Variants in ZBTB16 observed in about 807,000 individuals in gnomAD.
ZBTB16 encodes the protein zinc finger and BTB domain containing 16, also known as zinc finger and BTB domain-containing protein 16.
A neutral mutation model predicts 56.8 loss-of-function variants in ZBTB16; 8 were observed. The ratio of observed to expected loss-of-function variants is 0.14; its 90% confidence interval spans 0.08 to 0.25. The LOEUF (loss-of-function observed/expected upper bound fraction) is 0.25, where lower values mean the gene tolerates loss of function less well. ZBTB16 is among the 10% of genes least tolerant of loss of function. The probability of loss-of-function intolerance (pLI) is 1.00; values close to 1 mark genes in which losing one functional copy is unlikely to be tolerated. For synonymous variants in ZBTB16, 363 were observed against 368.5 expected (o/e 0.98, Z 0.17); for missense variants, 625 against 903.0 (o/e 0.69, Z 3.95).
chr11:114,235,272 A>AC (rs1405779324), intron 4 of ZBTB16, among the ~76,000 whole-genome samples: 1 of 152,212 alleles, frequency 6.6e-6, no homozygotes, highest in Non-Finnish European at 1.5e-5. Flanking sequence ...ACATGCACAC[A>AC]CAGCAGTCCC....
At chr11:114,092,407 A>T (rs1411529890) in intron 2 of ZBTB16, among the ~76,000 whole-genome samples, 4 of 152,176 alleles carry the variant, frequency 2.6e-5, no homozygotes, top group African/African-American at 9.7e-5. Flanking sequence ...GGGCGGGGGC[A>T]CACTGCCTCG....
rs1179951603 is a variant in ZBTB16, at chr11:114,167,237, T to TTG, written c.1366+10804_1366+10805insGT. ...TGTGGTTTTTTTTTTTTTTGGTTTT[T>TTG]TTTTTTTTTTTTTTTTGACAAGCTT... On this transcript the variant is annotated intron_variant, in intron 3 of 6. Coordinates refer to ENST00000335953, the MANE Select transcript of ZBTB16 (RefSeq NM_006006.6). 9.5e-4 allele frequency among the ~76,000 whole-genome samples: 126 copies of TTG among 133,074 alleles called. 7 individuals carry two copies. The highest frequency in any genetic ancestry group is 1.6e-3 in the Non-Finnish European group (98 of 62,548). The allele number at this position is 133,074 out of a possible 152,430, so 87.3% of individuals were successfully genotyped here.
intron 4 of ZBTB16, among the ~76,000 whole-genome samples, chr11:114,196,363 T>C (rs35182019): frequency 6.4e-5 from 9 of 139,680 alleles, no homozygotes; most frequent in African/African-American, 2.5e-4. Context: ...AATAGAACCT[T>C]CCACCTCATC....
intron 2 of ZBTB16, among the ~76,000 whole-genome samples, chr11:114,108,635 G>A (rs1940887188): frequency 6.6e-6 from 1 of 152,120 alleles, no homozygotes; most frequent in Admixed American, 6.5e-5. Context: ...GGCTAGATGG[G>A]GGTGGCTGCC....
intron 5 of ZBTB16, among the ~76,000 whole-genome samples, chr11:114,246,089 A>T (rs1343116671): frequency 1.3e-5 from 2 of 152,186 alleles, no homozygotes; most frequent in Admixed American, 1.3e-4. Flanking sequence ...CTGGAGATTT[A>T]AGAGTGGGAT....
chr11:114,062,815 A>G (rs759914514), intron 1 of ZBTB16, among the ~76,000 whole-genome samples: 1 of 152,218 alleles, frequency 6.6e-6, no homozygotes, highest in African/African-American at 2.4e-5. Flanking sequence ...GGAAGGGGCT[A>G]AAGTCTTGCT....
In ZBTB16 at chr11:114,202,972, T is replaced by C. The variant is rs142863455; in HGVS notation, c.1453+15934T>C. On this transcript the variant is annotated intron_variant, in intron 4 of 6. Transcript: ENST00000335953. ...AAAAGTAACTTCCAACCCAAGAGAA[T>C]TGAAAATGTGTCCACATAAAAACTT... is the stretch of plus-strand genomic sequence containing the variant. Among the ~76,000 whole-genome samples the C allele has an allele frequency of 2.4e-4, 36 of 152,320 alleles. 1 individual carries two copies. Among genetic ancestry groups the C allele is most frequent in the African/African-American group, 7.5e-4 (31 of 41,550 alleles).
intron 2 of ZBTB16, among the ~76,000 whole-genome samples, chr11:114,089,922 C>T (rs1940122845): frequency 6.6e-6 from 1 of 152,196 alleles, no homozygotes; most frequent in Admixed American, 6.5e-5. Flanking sequence ...CTGCTTGCAG[C>T]CTCCCTGGGG....
intron 2 of ZBTB16, among the ~76,000 whole-genome samples, chr11:114,084,826 G>T (rs772613869): frequency 7.2e-5 from 11 of 152,242 alleles, no homozygotes; most frequent in Non-Finnish European, 1.2e-4. Context: ...TCAGGCACAT[G>T]GTCTGGTTAG....
chr11:114,143,898 G>T lies in ZBTB16; in HGVS notation c.1269-12439G>T, dbSNP rs936518532. On this transcript the variant is annotated intron_variant, in intron 2 of 6. Transcript: ENST00000335953. This position sits in a 1 kb window ranked among gnomAD's most constrained non-coding sequence, Gnocchi z 6.4. ...GTGTGGATGTTTCCAGAGAGCCGCTGCTTGGCCTCTGTGCTCGTTGGGCCT... is the reference window on the plus strand; with the variant it reads ...GTGTGGATGTTTCCAGAGAGCCGCTTCTTGGCCTCTGTGCTCGTTGGGCCT... Among the ~76,000 whole-genome samples the T allele has an allele frequency of 2.0e-5, 3 of 152,120 alleles. No homozygotes were observed. Among genetic ancestry groups the T allele is most frequent in the Admixed American group, 2.0e-4 (3 of 15,270 alleles).
chr11:114,091,377 A>G (rs546185640), intron 2 of ZBTB16, among the ~76,000 whole-genome samples: 3 of 151,680 alleles, frequency 2.0e-5, no homozygotes, highest in Non-Finnish European at 4.4e-5. Context: ...CAAAAAAAGC[A>G]TGTTTTCCTG....
intron 4 of ZBTB16, among the ~76,000 whole-genome samples, chr11:114,230,380 A>G (rs564819763): frequency 1.3e-5 from 2 of 152,198 alleles, no homozygotes; most frequent in East Asian, 3.9e-4. Flanking sequence ...GTATCTATGT[A>G]TGCTCTGGGA....
At position 114,063,301 on chromosome 11, in the gene ZBTB16, ATGGATC is replaced by A; in HGVS notation, c.4_9del (p.AspLeu2_?3). 6.2e-7 allele frequency: 1 copy of A among 1,613,778 alleles called. No individual in the cohort carries two copies. The highest frequency in any genetic ancestry group is 8.5e-7 in the Non-Finnish European group (1 of 1,179,998). ...TCATGCCTGAGCCGAGGGGAGCACC[ATGGATC>A]TGACAAAAATGGGCATGATCCAGCT... is the stretch of plus-strand genomic sequence containing the variant. On this transcript the variant is annotated start_lost and inframe_deletion, in exon 2 of 7. Coordinates refer to ENST00000335953, the MANE Select transcript of ZBTB16 (RefSeq NM_006006.6). This position sits in a 1 kb window ranked among gnomAD's most constrained non-coding sequence, Gnocchi z 6.5.
intron 4 of ZBTB16, among the ~76,000 whole-genome samples, chr11:114,219,646 C>A (rs747326115): frequency 1.4e-5 from 2 of 140,604 alleles, no homozygotes; most frequent in Non-Finnish European, 3.2e-5. Flanking sequence ...TCTGGAGGAA[C>A]TTTAAAAAAA....
At chr11:114,082,703 G>A (rs1627065) in intron 2 of ZBTB16, among the ~76,000 whole-genome samples, 149,576 of 152,116 alleles carry the variant, frequency 0.98, 73,602 homozygotes, top group Middle Eastern at 1. Flanking sequence ...GATTTGATGA[G>A]AGGACATGAA....
chr11:114,110,861 C>T (rs1218263283), intron 2 of ZBTB16, among the ~76,000 whole-genome samples: 3 of 152,140 alleles, frequency 2.0e-5, no homozygotes, highest in Non-Finnish European at 4.4e-5. Flanking sequence ...TTTGTAAAAA[C>T]TGAATTCTGT....
In ZBTB16 at chr11:114,088,669, T is replaced by C. The variant is rs139648865; in HGVS notation, c.1268+24101T>C. Reference sequence around the variant, plus strand: ...CCTCTGAAGCAGGGGTGGCTGAGCTTTTTGAATATCTGCATTGTGCTAAGG... The same window carrying C: ...CCTCTGAAGCAGGGGTGGCTGAGCTCTTTGAATATCTGCATTGTGCTAAGG... On this transcript the variant is annotated intron_variant, in intron 2 of 6. Transcript: ENST00000335953. 6.0e-3 allele frequency among the ~76,000 whole-genome samples: 911 copies of C among 152,294 alleles called. 11 individuals carry two copies. The highest frequency in any genetic ancestry group is 0.01 in the Middle Eastern group (3 of 294).
chr11:114,195,716 G>A (rs3782007), intron 4 of ZBTB16, among the ~76,000 whole-genome samples: 25,326 of 152,020 alleles, frequency 0.17, 2,173 homozygotes, highest in East Asian at 0.22. Flanking sequence ...CTCAATATAG[G>A]CCTCGCATGG....
At chr11:114,229,258 A>G (rs969857860) in intron 4 of ZBTB16, among the ~76,000 whole-genome samples, 10 of 152,334 alleles carry the variant, frequency 6.6e-5, no homozygotes, top group Non-Finnish European at 1.0e-4. Context: ...TCGAATGCCA[A>G]TGAAGCACTG....
Sources: gnomAD v4.1 joint callset for allele counts (sites outside exome capture counted in the v4.1 genomes callset) on GRCh38, gnomAD v4.1.1 for gene constraint, Gnocchi (gnomAD v3.1) non-coding constraint, MANE v1.5 for transcripts, NCBI Gene and HGNC (gene_info 2026-07-23, HGNC 2026-07-21) for gene names.